RBFOX1: variants seen among roughly 807,000 people sequenced by gnomAD.
The protein encoded by RBFOX1 is RNA binding protein fox-1 homolog 1.
In RBFOX1, 8 loss-of-function variants were observed where a neutral mutation model predicts 57.7. The ratio of observed to expected loss-of-function variants is 0.14; its 90% CI spans 0.08 to 0.25. The LOEUF is 0.25. RBFOX1 is among the 10% of genes least tolerant of loss of function. The probability of loss-of-function intolerance (pLI) is 1.00; values close to 1 mark genes in which losing one functional copy is unlikely to be tolerated. For missense variants in RBFOX1, 611 were observed against 548.5 expected (o/e 1.11, Z -1.14); for synonymous variants, 326 against 222.4 (o/e 1.47, Z -4.15).
intron 3 of RBFOX1, chr16:5,610,690 A>AT (rs1273917490): frequency 7.0e-4 from 60 of 85,760 alleles, no homozygotes; most frequent in African/African-American, 1.1e-3. Context: ...AAATCAGAAA[A>AT]TTAAAAAAAA....
At chr16:5,551,366 C>A (rs1436885532) in intron 2 of RBFOX1, among the ~76,000 whole-genome samples, 1 of 152,202 alleles carries the variant, frequency 6.6e-6, no homozygotes, top group African/African-American at 2.4e-5. Flanking sequence ...GCCCTAGATG[C>A]TACTGGGTTG....
chr16:6,847,226 A>G (rs1014585623), intron 3 of RBFOX1, among the ~76,000 whole-genome samples: 6 of 152,258 alleles, frequency 3.9e-5, no homozygotes, highest in African/African-American at 1.2e-4. Context: ...ACAACATTTC[A>G]TGATATACAA....
chr16:6,712,899 T>G (rs1200253508), intron 3 of RBFOX1, among the ~76,000 whole-genome samples: 1 of 126,068 alleles, frequency 7.9e-6, no homozygotes, highest in Non-Finnish European at 1.8e-5. Context: ...TTTTTTTTTT[T>G]TTTTTTTTTC....
intron 3 of RBFOX1, among the ~76,000 whole-genome samples, chr16:6,765,646 A>G (rs887099340): frequency 6.6e-6 from 1 of 152,184 alleles, no homozygotes; most frequent in Non-Finnish European, 1.5e-5. Context: ...CACTCTACCC[A>G]ATACTGGGTC....
At chr16:7,389,642 A>T (rs78836740) in intron 4 of RBFOX1, among the ~76,000 whole-genome samples, 9,920 of 152,240 alleles carry the variant, frequency 0.065, 395 homozygotes, top group East Asian at 0.2. Flanking sequence ...TCATCCAGAT[A>T]TGTTGGGACC....
intron 2 of RBFOX1, among the ~76,000 whole-genome samples, chr16:5,549,713 C>A (rs759553082): frequency 6.6e-6 from 1 of 152,120 alleles, no homozygotes; most frequent in African/African-American, 2.4e-5. Flanking sequence ...GTTTTACATA[C>A]ATTAAGTGGT....
At chr16:6,431,896 G>GCTTC (rs1491277692) in intron 2 of RBFOX1, among the ~76,000 whole-genome samples, 19 of 128,194 alleles carry the variant, frequency 1.5e-4, no homozygotes, top group Non-Finnish European at 2.4e-4. Context: ...TTGCTTGCTT[G>GCTTC]CTTTCTTTCT....
chr16:5,355,849 C>A (rs572600073), intron 1 of RBFOX1, among the ~76,000 whole-genome samples: 1 of 152,110 alleles, frequency 6.6e-6, no homozygotes, highest in Admixed American at 6.5e-5. Flanking sequence ...CCAGCCCTTT[C>A]GGAGGCCGAG....
chr16:7,583,857 A>G (rs555172186), intron 6 of RBFOX1, among the ~76,000 whole-genome samples: 1 of 152,222 alleles, frequency 6.6e-6, no homozygotes, highest in African/African-American at 2.4e-5. Flanking sequence ...AACAAAATAT[A>G]GGTCCTCTGG....
At chr16:7,374,682 C>A (rs1397628549) in intron 4 of RBFOX1, among the ~76,000 whole-genome samples, 1 of 152,108 alleles carries the variant, frequency 6.6e-6, no homozygotes, top group Admixed American at 6.5e-5. Flanking sequence ...TCTAGAAATA[C>A]CTAAACATTC....
intron 2 of RBFOX1, among the ~76,000 whole-genome samples, chr16:5,505,921 G>A (rs1321823713): frequency 6.6e-6 from 1 of 152,012 alleles, no homozygotes; most frequent in Non-Finnish European, 1.5e-5. Flanking sequence ...TTCCATCCCT[G>A]CTCAAAATCT....
chr16:6,937,998 T>C (rs2077665087), intron 3 of RBFOX1, among the ~76,000 whole-genome samples: 1 of 137,534 alleles, frequency 7.3e-6, no homozygotes, highest in African/African-American at 2.6e-5. Flanking sequence ...GGGGGTGGGC[T>C]TACAATTTTA....
At position 5,400,326 on chromosome 16, in the gene RBFOX1, C is replaced by G. The variant is rs376086536; in HGVS notation, c.220-66890C>G. ...CAGGCTGGTCTGCAACTCCTGACCT[C>G]TAATGATCGGCCCACCTTGGCCTCC... On this transcript the variant is annotated intron_variant, in intron 1 of 2. Coordinates refer to the RBFOX1 transcript ENST00000585867. Among the ~76,000 whole-genome samples, 36 of 152,210 alleles carry G rather than the reference C, an allele frequency of 2.4e-4. No individual in the cohort carries two copies. In the East Asian group the frequency reaches 6.4e-3, roughly 27 times the overall value.
At chr16:7,335,431 C>G (rs1271404011) in intron 4 of RBFOX1, among the ~76,000 whole-genome samples, 1 of 152,172 alleles carries the variant, frequency 6.6e-6, no homozygotes, top group Admixed American at 6.5e-5. Context: ...ATAGTGTCCA[C>G]TTGGAAGGAT....
intron 2 of RBFOX1, among the ~76,000 whole-genome samples, chr16:6,620,038 C>G (rs370136225): frequency 5.3e-5 from 8 of 152,268 alleles, no homozygotes; most frequent in African/African-American, 1.4e-4. Context: ...AGGACATAAT[C>G]TTATTCTTTC....
At chr16:7,281,684 A>G (rs547608480) in intron 4 of RBFOX1, among the ~76,000 whole-genome samples, 1 of 152,242 alleles carries the variant, frequency 6.6e-6, no homozygotes, top group African/African-American at 2.4e-5. Context: ...GCAATATGCA[A>G]ATCAGTCATC....
intron 4 of RBFOX1, among the ~76,000 whole-genome samples, chr16:7,212,071 G>C (rs930146626): frequency 2.0e-5 from 3 of 152,096 alleles, no homozygotes; most frequent in Non-Finnish European, 4.4e-5. Flanking sequence ...CAAGTCACTG[G>C]AGTGATGATT....
At chr16:5,586,230 C>T (rs2046823798) in intron 2 of RBFOX1, among the ~76,000 whole-genome samples, 1 of 152,166 alleles carries the variant, frequency 6.6e-6, no homozygotes, top group Non-Finnish European at 1.5e-5. Context: ...ACCTTGGTTT[C>T]AGACTTCAGG....
At chr16:6,955,307 A>G (rs1173972120) in intron 3 of RBFOX1, among the ~76,000 whole-genome samples, 3 of 151,742 alleles carry the variant, frequency 2.0e-5, no homozygotes, top group East Asian at 1.9e-4. Context: ...TAAGTTATCA[A>G]TAATTTTTTT....
Sources: gnomAD v4.1 joint callset for allele counts (sites outside exome capture counted in the v4.1 genomes callset) on GRCh38, gnomAD v4.1.1 for gene constraint, MANE v1.5 for transcripts, NCBI Gene and HGNC (gene_info 2026-07-23, HGNC 2026-07-21) for gene names.